The following EPHA6 variants were observed in gnomAD, a reference collection of about 807,000 sequenced individuals.
The protein encoded by EPHA6 is ephrin type-A receptor 6.
EPHA6 carries 50 observed loss-of-function variants against 112.0 expected under a neutral mutation model. The observed-to-expected ratio is 0.45, with a 90% confidence interval of 0.36 to 0.56. EPHA6 has a LOEUF of 0.56. EPHA6 is among the 20% of genes least tolerant of loss of function. The pLI, the probability that EPHA6 is intolerant of heterozygous loss-of-function variation, is 0.00. For synonymous variants in EPHA6, 529 were observed against 490.7 expected, an observed-to-expected ratio of 1.08 and a Z score of -1.03; for missense variants, 1,280 against 1,417.4, an observed-to-expected ratio of 0.90 and a Z score of 1.56.
intron 10 of EPHA6, among the ~76,000 whole-genome samples, chr3:97,526,792 G>A (rs1367882769): frequency 3.3e-5 from 5 of 152,142 alleles, no homozygotes; most frequent in African/African-American, 1.2e-4. Flanking sequence ...ATTTAAGCAG[G>A]GCTACCATCA....
In EPHA6 at chr3:96,987,957, A is replaced by G; in HGVS notation, c.1078A>G (p.Ser360Gly). The change falls in exon 3 of 18, where the codon AGT (serine) becomes GGT (glycine). Residue 360 changes from serine to glycine, a missense_variant. By Grantham distance (56) the Ser-to-Gly change is moderately conservative. This residue lies in a region of EPHA6 where 878 missense variants were observed against 999.7 expected (regional missense o/e 0.88). Transcript: ENST00000389672. ...GGTTCCTCTTGGAAGGTGCATCTGC[A>G]GTACAGGATATGAAGAAATTGAGGG... ...WLVPLGRCIC[S>G]TGYEEIEGSC... The G allele has an allele frequency of 1.2e-6, 2 of 1,604,382 alleles. No homozygotes were observed. Among genetic ancestry groups the G allele is most frequent in the Non-Finnish European group, 8.5e-7 (1 of 1,173,896 alleles).
chr3:97,538,287 G>C (rs2092790943), intron 11 of EPHA6, among the ~76,000 whole-genome samples: 1 of 152,204 alleles, frequency 6.6e-6, no homozygotes, highest in African/African-American at 2.4e-5. Context: ...AGACACTTCA[G>C]TGACTTCTTG....
At chr3:97,043,752 A>G (rs931159226) in intron 3 of EPHA6, among the ~76,000 whole-genome samples, 6 of 152,206 alleles carry the variant, frequency 3.9e-5, no homozygotes, top group African/African-American at 1.4e-4. Flanking sequence ...TATTTATTTT[A>G]AGATCTATAG....
intron 3 of EPHA6, among the ~76,000 whole-genome samples, chr3:97,175,977 T>C (rs1188272442): frequency 6.6e-6 from 1 of 151,862 alleles, no homozygotes; most frequent in Non-Finnish European, 1.5e-5. Context: ...CCTTGCCATG[T>C]TCAAGATCTT....
chr3:97,144,950 T>C (rs2076002404), intron 3 of EPHA6, among the ~76,000 whole-genome samples: 1 of 151,526 alleles, frequency 6.6e-6, no homozygotes, highest in Admixed American at 6.6e-5. Flanking sequence ...CTTTTTCTTA[T>C]GTGAAATCCC....
chr3:97,579,596 C>T (rs1037520262), intron 11 of EPHA6, among the ~76,000 whole-genome samples: 5 of 152,148 alleles, frequency 3.3e-5, no homozygotes, highest in Admixed American at 2.0e-4. Flanking sequence ...TAGGGTGATT[C>T]ATATGACTCA....
intron 2 of EPHA6, among the ~76,000 whole-genome samples, chr3:96,931,172 A>G (rs948700961): frequency 6.6e-6 from 1 of 151,818 alleles, no homozygotes; most frequent in Non-Finnish European, 1.5e-5. Flanking sequence ...CCTCCCAGCC[A>G]TTTTGTCTTA....
At chr3:97,009,406 A>G (rs1012076154) in intron 3 of EPHA6, among the ~76,000 whole-genome samples, 2 of 152,328 alleles carry the variant, frequency 1.3e-5, no homozygotes, top group Admixed American at 1.3e-4. Flanking sequence ...TGCCACAGCC[A>G]GTATTTTGGG....
rs140798596 is a variant in EPHA6 at position 97,511,609 on chromosome 3, C to A, written c.2201-20749C>A. On this transcript the variant is annotated intron_variant, in intron 10 of 17. Coordinates refer to ENST00000389672, the MANE Select transcript of EPHA6 (RefSeq NM_001080448.3). ...GTTGATCTCGCTGGGAGCTGCAGAC[C>A]GGAGCTGTTCCTATTAGGCCATCTT... 9.2e-5 allele frequency among the ~76,000 whole-genome samples: 14 copies of A among 151,660 alleles called. No individual in the cohort carries two copies. In the East Asian group the frequency reaches 2.7e-3, roughly 30 times the overall value.
chr3:97,101,568 T>A lies in EPHA6; in HGVS notation c.1114+113575T>A, dbSNP rs1258699599. ...AGTTCCTGTTCATCCCTGATTCATTTAAGCAAGTTTTTCTGTTTGGGCCAG... is the reference window on the plus strand; with the variant it reads ...AGTTCCTGTTCATCCCTGATTCATTAAAGCAAGTTTTTCTGTTTGGGCCAG... On this transcript the variant is annotated intron_variant, in intron 3 of 17. Coordinates refer to ENST00000389672, the MANE Select transcript of EPHA6 (RefSeq NM_001080448.3). Among the ~76,000 whole-genome samples, 2 of 152,076 alleles carry A rather than the reference T, an allele frequency of 1.3e-5. 1 individual carries two copies. The highest frequency in any genetic ancestry group is 2.9e-5 in the Non-Finnish European group (2 of 68,000).
intron 2 of EPHA6, among the ~76,000 whole-genome samples, chr3:96,927,383 T>G (rs72916444): frequency 0.014 from 2,058 of 152,350 alleles, 49 homozygotes; most frequent in African/African-American, 0.045. Context: ...ATATTAACAT[T>G]CAGCTCCTTG....
chr3:97,483,453 C>T lies in EPHA6; in HGVS notation c.2075-481C>T, dbSNP rs566570548. Reference sequence around the variant, plus strand: ...TTGTTTCTATGCCATGAAGTCAGTTCTTTACTGCTTGAGGTTTTCTGGAAA... The same window carrying T: ...TTGTTTCTATGCCATGAAGTCAGTTTTTTACTGCTTGAGGTTTTCTGGAAA... On this transcript the variant is annotated intron_variant, in intron 9 of 17. Transcript: ENST00000389672. Among the ~76,000 whole-genome samples, 10 of 152,248 alleles carry T rather than the reference C, an allele frequency of 6.6e-5. No homozygotes were observed. The South Asian group carries it at 1.9e-3, about 28-fold the overall frequency.
At chr3:97,700,714 A>G (rs2033332843) in intron 14 of EPHA6, among the ~76,000 whole-genome samples, 1 of 152,228 alleles carries the variant, frequency 6.6e-6, no homozygotes, top group Non-Finnish European at 1.5e-5. Context: ...TACAGTACAC[A>G]TATAAAATAT....
At chr3:97,249,772 C>A (rs996880221) in intron 5 of EPHA6, among the ~76,000 whole-genome samples, 2 of 152,148 alleles carry the variant, frequency 1.3e-5, no homozygotes, top group Admixed American at 1.3e-4. Flanking sequence ...CTACCCACTG[C>A]ATTAATAGAG....
intron 3 of EPHA6, among the ~76,000 whole-genome samples, chr3:97,092,312 A>C (rs939476152): frequency 1.8e-4 from 27 of 152,154 alleles, no homozygotes; most frequent in African/African-American, 6.5e-4. Context: ...GGTTGGAACG[A>C]GAGTGACAAC....
At chr3:96,930,769 A>T (rs1403928146) in intron 2 of EPHA6, among the ~76,000 whole-genome samples, 1 of 152,040 alleles carries the variant, frequency 6.6e-6, no homozygotes, top group African/African-American at 2.4e-5. Context: ...AGGTGGGCAG[A>T]TCACCTAAGG....
intron 14 of EPHA6, among the ~76,000 whole-genome samples, chr3:97,719,759 T>G (rs2034442282): frequency 6.6e-6 from 1 of 152,202 alleles, no homozygotes; most frequent in African/African-American, 2.4e-5. Flanking sequence ...AATGTAATCA[T>G]AGCAGATGTA....
intron 5 of EPHA6, among the ~76,000 whole-genome samples, chr3:97,324,373 T>A (rs374635361): frequency 6.6e-6 from 1 of 151,130 alleles, no homozygotes; most frequent in African/African-American, 2.5e-5. Flanking sequence ...TTTTCCCTGC[T>A]ACCAGATTCT....
chr3:97,703,395 T>C (rs1278436282), intron 14 of EPHA6, among the ~76,000 whole-genome samples: 1 of 152,194 alleles, frequency 6.6e-6, no homozygotes, highest in African/African-American at 2.4e-5. Context: ...TACAAGTAGG[T>C]AGTTTTTTTC....
Sources: allele counts gnomAD v4.1 joint callset (sites outside exome capture counted in the v4.1 genomes callset), GRCh38; gene constraint gnomAD v4.1.1; regional missense constraint gnomAD v4.1.1; transcripts MANE v1.5; gene names NCBI Gene and HGNC (gene_info 2026-07-23, HGNC 2026-07-21).